TULP4: variants seen among roughly 807,000 people sequenced by gnomAD.
TULP4 encodes the protein TUB like protein 4.
TULP4 carries 16 observed loss-of-function variants against 129.0 expected under a neutral mutation model. That is an observed-to-expected ratio of 0.12 (90% confidence interval 0.08 to 0.19). TULP4 has a LOEUF of 0.19. Ranked by LOEUF, TULP4 falls within the 10% of genes least tolerant of loss-of-function variation. The pLI is 1.00. For missense variants in TULP4, 1,842 were observed against 2,059.1 expected (o/e 0.89, Z 2.04); for synonymous variants, 998 against 854.0 (o/e 1.17, Z -2.94).
chr6:158,308,543 G>A (rs1265667301), upstream of TULP4, among the ~76,000 whole-genome samples: 1 of 151,956 alleles, frequency 6.6e-6, no homozygotes, highest in Non-Finnish European at 1.5e-5. Flanking sequence ...GGTGGCGGCC[G>A]GGCAGAGGGG....
chr6:158,329,045 G>C (rs950883708), intron 1 of TULP4, among the ~76,000 whole-genome samples: 1 of 152,160 alleles, frequency 6.6e-6, no homozygotes, highest in Non-Finnish European at 1.5e-5. Flanking sequence ...GCAACAGTTT[G>C]GTGTTTCCAG....
intron 1 of TULP4, among the ~76,000 whole-genome samples, chr6:158,410,211 C>T (rs1778063137): frequency 6.6e-6 from 1 of 152,208 alleles, no homozygotes. Context: ...GTTTATCCAA[C>T]AATGGCAACT....
chr6:158,402,732 C>T (rs1372720018), intron 1 of TULP4, among the ~76,000 whole-genome samples: 3 of 151,994 alleles, frequency 2.0e-5, no homozygotes, highest in Non-Finnish European at 4.4e-5. Flanking sequence ...GCTTTCAAGC[C>T]TTAAGTTTAG....
intron 1 of TULP4, among the ~76,000 whole-genome samples, chr6:158,351,825 G>A (rs531838889): frequency 1.8e-4 from 25 of 142,038 alleles, no homozygotes; most frequent in African/African-American, 3.9e-4. Flanking sequence ...GGGTTCAAGC[G>A]ATTCTCCTGC....
chr6:158,461,437 A>G (rs1241198083), intron 5 of TULP4, 126 bp from the exon 6 acceptor site: 13 of 894,198 alleles, frequency 1.5e-5, no homozygotes, highest in East Asian at 2.6e-5. Flanking sequence ...GGAAAAAACC[A>G]TGAATATATT....
At chr6:158,299,143 T>TG (rs1779091660) in intron 1 of TULP4, among the ~76,000 whole-genome samples, 2 of 148,382 alleles carry the variant, frequency 1.3e-5, no homozygotes, top group Admixed American at 1.4e-4. Context: ...TCGGTCGGGG[T>TG]GGGGGGTAAT....
chr6:158,407,815 G>A (rs189369140), intron 1 of TULP4, among the ~76,000 whole-genome samples: 6 of 152,324 alleles, frequency 3.9e-5, no homozygotes, highest in Admixed American at 3.9e-4. Context: ...GTTGCTTAGG[G>A]CTGGAGGGAA....
At chr6:158,391,770 C>T (rs1271768170) in intron 1 of TULP4, among the ~76,000 whole-genome samples, 1 of 152,132 alleles carries the variant, frequency 6.6e-6, no homozygotes, top group African/African-American at 2.4e-5. Flanking sequence ...GCTGTTATAT[C>T]TTACAATAAC....
Position 158,245,152 on chromosome 6 carries a change from C to T in TULP4, n.68+12849C>T, listed in dbSNP as rs1342463650. On this transcript the variant is annotated intron_variant and non_coding_transcript_variant, in intron 1 of 1. Coordinates refer to the TULP4 transcript ENST00000620026. ...ACGGGCACATATCACCACACCTGGT[C>T]AATTAAATTTTTTTTTTTTTTTTTT... Among the ~76,000 whole-genome samples the T allele has an allele frequency of 2.7e-5, 4 of 147,994 alleles. No homozygotes were observed. In the South Asian group the frequency reaches 8.6e-4, roughly 32 times the overall value.
chr6:158,391,295 G>GA (rs1490151870), intron 1 of TULP4, among the ~76,000 whole-genome samples: 1 of 152,156 alleles, frequency 6.6e-6, no homozygotes, highest in East Asian at 1.9e-4. Flanking sequence ...TGTGTATCTT[G>GA]AAAAACTGAA....
Position 158,493,340 on chromosome 6 carries a change from C to G in TULP4, c.1632-233C>G, listed in dbSNP as rs1206364564. Among the ~76,000 whole-genome samples the G allele has an allele frequency of 6.6e-6, 1 of 152,154 alleles. No individual in the cohort carries two copies. The highest frequency in any genetic ancestry group is 1.5e-5 in the Non-Finnish European group (1 of 68,030). On this transcript the variant is annotated intron_variant, in intron 9 of 13. Coordinates refer to ENST00000367097, the MANE Select transcript of TULP4 (RefSeq NM_020245.5). This position sits in a 1 kb window ranked among gnomAD's most constrained non-coding sequence, Gnocchi z 4.4. ...GACTGCAGGTGTGTGCCACCACACC[C>G]AGTTTCTCAATATATTTTAAAATGT...
chr6:158,330,026 TA>T (rs1221891267), intron 1 of TULP4, among the ~76,000 whole-genome samples: 1 of 38,084 alleles, frequency 2.6e-5, no homozygotes, highest in East Asian at 1.1e-3. Context: ...ATAGACACAT[TA>T]AAAGTAAAAA....
chr6:158,325,934 C>T (rs1404105786), intron 1 of TULP4, among the ~76,000 whole-genome samples: 1 of 142,886 alleles, frequency 7.0e-6, no homozygotes, highest in Non-Finnish European at 1.5e-5. Context: ...TTAACAAAGG[C>T]TCATACTATT....
At position 158,235,477 on chromosome 6, in the gene TULP4, C is replaced by T. The variant is rs373941912; in HGVS notation, n.68+3174C>T. The stretch of plus-strand genomic sequence containing the variant: ...TTAGCGTGATATCCTCAGGGTTCAT[C>T]CATGTTATAGCATGTGTCAGCATTT... On this transcript the variant is annotated intron_variant and non_coding_transcript_variant, in intron 1 of 1. Transcript: ENST00000620026. Among the ~76,000 whole-genome samples the T allele has an allele frequency of 5.3e-5, 8 of 152,278 alleles. No homozygotes were observed. The South Asian group carries it at 1.0e-3, about 20-fold the overall frequency.
At chr6:158,374,704 A>G (rs1777147852) in intron 1 of TULP4, among the ~76,000 whole-genome samples, 1 of 152,216 alleles carries the variant, frequency 6.6e-6, no homozygotes. Flanking sequence ...AACAATGAAC[A>G]TAGGAAATAC....
chr6:158,393,489 C>G (rs1232642222), intron 1 of TULP4, among the ~76,000 whole-genome samples: 1 of 152,246 alleles, frequency 6.6e-6, no homozygotes, highest in Non-Finnish European at 1.5e-5. Context: ...ACTCCTGCAG[C>G]AGACTTCTCC....
intron 1 of TULP4, among the ~76,000 whole-genome samples, chr6:158,328,506 C>T (rs1779799977): frequency 6.6e-6 from 1 of 152,066 alleles, no homozygotes; most frequent in African/African-American, 2.4e-5. Context: ...TGTGGCTAAC[C>T]CAGAGAATAA....
intron 10 of TULP4, 68 bp from the exon 11 acceptor site, chr6:158,494,685 A>C (rs1780289808): frequency 2.1e-6 from 3 of 1,410,722 alleles, no homozygotes; most frequent in Non-Finnish European, 3.0e-6. Context: ...TAACATTCTT[A>C]CTGAGTGACC....
chr6:158,365,014 C>T (rs192805916), intron 1 of TULP4, among the ~76,000 whole-genome samples: 44 of 152,154 alleles, frequency 2.9e-4, no homozygotes, highest in Admixed American at 1.6e-3. Flanking sequence ...GGATTACAGG[C>T]GTGAGCCACC....
Sources: gnomAD v4.1 joint callset for allele counts (sites outside exome capture counted in the v4.1 genomes callset) on GRCh38, gnomAD v4.1.1 for gene constraint, Gnocchi (gnomAD v3.1) non-coding constraint, MANE v1.5 for transcripts, NCBI Gene and HGNC (gene_info 2026-07-23, HGNC 2026-07-21) for gene names.